STAB2: variants seen among roughly 807,000 people sequenced by gnomAD.
STAB2 encodes the protein stabilin-2.
A neutral mutation model predicts 338.1 loss-of-function variants in STAB2; 288 were observed. The ratio of observed to expected loss-of-function variants is 0.85; its 90% CI spans 0.77 to 0.94. STAB2 has a LOEUF of 0.94. Ranked by LOEUF, STAB2 falls within the 40% of genes least tolerant of loss-of-function variation. The pLI is 0.00. For synonymous variants in STAB2, 1,202 were observed against 1,193.3 expected (o/e 1.01, Z -0.15); for missense variants, 3,141 against 3,210.1 (o/e 0.98, Z 0.52).
rs781689533 is a variant in STAB2 at position 103,685,039 on chromosome 12, G to T, written c.2952G>T (p.Glu984Asp). The T allele has an allele frequency of 1.2e-6, 2 of 1,614,014 alleles. No individual in the cohort carries two copies. Among genetic ancestry groups the T allele is most frequent in the Admixed American group, 1.7e-5 (1 of 60,014 alleles). Residue 984 changes from glutamate (E) to aspartate (D), a missense_variant, in exon 27 of 69, where the codon GAG becomes GAT. By Grantham distance (45) the Glu-to-Asp change is conservative (BLOSUM62 2). Transcript: ENST00000388887. Reference protein sequence around the residue: ...SSGVWSCVCQEGYEGDGFLCY... With the variant: ...SSGVWSCVCQDGYEGDGFLCY... ...GTGTCTGGAGCTGTGTTTGTCAAGA[G>T]GGCTATGAAGGAGATGGCTTTCTGT...
At chr12:103,652,751 A>C in intron 12 of STAB2, 46 bp downstream of exon 12, 2 of 1,504,448 alleles carry the variant, frequency 1.3e-6, no homozygotes. Context: ...ATTATCCACC[A>C]AGCCAATGCC....
intron 6 of STAB2, among the ~76,000 whole-genome samples, chr12:103,634,332 G>T (rs777388606): frequency 1.3e-5 from 2 of 152,098 alleles, no homozygotes; most frequent in Non-Finnish European, 1.5e-5. Context: ...ACATGAGGTC[G>T]CACTAATTCC....
intron 3 of STAB2, among the ~76,000 whole-genome samples, chr12:103,615,602 A>T (rs929822128): frequency 6.6e-6 from 1 of 152,184 alleles, no homozygotes; most frequent in Non-Finnish European, 1.5e-5. Context: ...GGTGCTTGTT[A>T]ATGGCTCGCA....
At chr12:103,725,636 ATGTGCATGTGTGTATGCACGTGTG>A (rs1316981487) in intron 45 of STAB2, among the ~76,000 whole-genome samples, 2 of 151,734 alleles carry the variant, frequency 1.3e-5, no homozygotes, top group South Asian at 4.2e-4. Flanking sequence ...GCAGGTGCAT[ATGTGCATGTGTGTATGCACGTGTG>A]TGTGCATGTG....
intron 44 of STAB2, among the ~76,000 whole-genome samples, chr12:103,720,312 A>G (rs1380930291): frequency 6.6e-6 from 1 of 152,226 alleles, no homozygotes; most frequent in African/African-American, 2.4e-5. Flanking sequence ...CTATCTCAGC[A>G]GCATATTCCC....
chr12:103,757,018 T>A lies in STAB2; in HGVS notation c.6988-1152T>A, dbSNP rs1220472839. 8.4e-3 allele frequency among the ~76,000 whole-genome samples: 1,074 copies of A among 128,054 alleles called. 21 individuals are homozygous for A. Among genetic ancestry groups the A allele is most frequent in the Admixed American group, 0.025 (328 of 12,952 alleles). 84.0% of individuals were successfully genotyped at this position (128,054 alleles called of 152,430 possible). On this transcript the variant is annotated intron_variant, in intron 63 of 68. Transcript: ENST00000388887. ...GAAAATATATATATATATATATATA[T>A]ATATATATATATAAAATATATATAT...
intron 26 of STAB2, among the ~76,000 whole-genome samples, chr12:103,683,973 G>A (rs1295564596): frequency 6.6e-6 from 1 of 152,132 alleles, no homozygotes; most frequent in East Asian, 1.9e-4. Flanking sequence ...GTAGCTCTGG[G>A]AATCTAGAGG....
chr12:103,707,232 T>A (rs1264660216), intron 38 of STAB2, among the ~76,000 whole-genome samples: 2 of 152,252 alleles, frequency 1.3e-5, no homozygotes, highest in Non-Finnish European at 2.9e-5. Context: ...CTCATTGACA[T>A]TCCCAGCCCA....
chr12:103,624,190 T>C (rs1444519109), intron 5 of STAB2, among the ~76,000 whole-genome samples: 1 of 152,232 alleles, frequency 6.6e-6, no homozygotes, highest in Non-Finnish European at 1.5e-5. Flanking sequence ...CTTGTTCTAA[T>C]CCATAAGGTC....
At position 103,706,427 on chromosome 12, in the gene STAB2, G is replaced by T. The variant is rs1879351897; in HGVS notation, c.3997-365G>T. 1.3e-5 allele frequency among the ~76,000 whole-genome samples: 2 copies of T among 152,278 alleles called. 1 individual carries two copies. The highest frequency in any genetic ancestry group is 3.9e-4 in the East Asian group (2 of 5,180). On this transcript the variant is annotated intron_variant, in intron 37 of 68. Coordinates refer to ENST00000388887, the MANE Select transcript of STAB2 (RefSeq NM_017564.10). Reference sequence around the variant, plus strand: ...GACGAAATAACATCGATGTGAAGGGGCCCAGATCTGGGTTGGAGACGGCCC... The same window carrying T: ...GACGAAATAACATCGATGTGAAGGGTCCCAGATCTGGGTTGGAGACGGCCC...
intron 13 of STAB2, 34 bp downstream of exon 13, chr12:103,654,732 G>T: frequency 6.2e-7 from 1 of 1,604,184 alleles, no homozygotes; most frequent in Non-Finnish European, 8.5e-7. Context: ...ATCAGGCCAG[G>T]TCCATCTTCC....
chr12:103,717,905 T>A, intron 44 of STAB2, 64 bp downstream of exon 44: 2 of 1,551,576 alleles, frequency 1.3e-6, no homozygotes, highest in Non-Finnish European at 1.8e-6. Flanking sequence ...CCCACCCCAC[T>A]TCTCGGGGAT....
At chr12:103,595,711 G>A (rs1174170604) in intron 3 of STAB2, among the ~76,000 whole-genome samples, 1 of 152,078 alleles carries the variant, frequency 6.6e-6, no homozygotes, top group Admixed American at 6.5e-5. Context: ...TCCCCATTTT[G>A]CCTATGAGAA....
chr12:103,730,657 T>G (rs1881562965), intron 49 of STAB2, among the ~76,000 whole-genome samples: 1 of 152,184 alleles, frequency 6.6e-6, no homozygotes, highest in African/African-American at 2.4e-5. Context: ...AAAAAAAGTT[T>G]CTTGAGATAG....
rs1389409693 is a variant in STAB2 at position 103,660,861 on chromosome 12, G to T, written c.1869+98G>T. 9 of 1,293,544 alleles carry T rather than the reference G, an allele frequency of 7.0e-6. No individual in the cohort carries two copies. In the Admixed American group the frequency reaches 8.7e-5, roughly 13 times the overall value. The allele number at this position is 1,293,544 out of a possible 1,614,324, so 80.1% of individuals were successfully genotyped here. A position where few individuals can be genotyped will look rare whatever the true frequency, so the allele number is the denominator to read the frequency against. ...ATCCTGCCTCTATGCTAACTCATGG[G>T]CTTAAAATCTTTATGATTATTTCAT... is the stretch of plus-strand genomic sequence containing the variant. On this transcript the variant is annotated intron_variant, in intron 17 of 68. Coordinates refer to ENST00000388887, the MANE Select transcript of STAB2 (RefSeq NM_017564.10).
At chr12:103,745,466 G>A (rs1882955792) in intron 57 of STAB2, among the ~76,000 whole-genome samples, 189 bp downstream of exon 57, 1 of 152,220 alleles carries the variant, frequency 6.6e-6, no homozygotes, top group African/African-American at 2.4e-5. Context: ...AAAACTAGAT[G>A]AAAAGATTTA....
chr12:103,723,505 A>T (rs1316333806), intron 44 of STAB2, among the ~76,000 whole-genome samples: 1 of 152,262 alleles, frequency 6.6e-6, no homozygotes, highest in African/African-American at 2.4e-5. Flanking sequence ...ATAATTCAAA[A>T]TGAGATTTGG....
chr12:103,684,697 G>A (rs548046820), intron 26 of STAB2, among the ~76,000 whole-genome samples: 87 of 152,332 alleles, frequency 5.7e-4, no homozygotes, highest in South Asian at 4.1e-3. Context: ...ATGGGCAAAC[G>A]TATACTCAAA....
In STAB2 at chr12:103,603,484, T is replaced by C. The variant is rs1401259011; in HGVS notation, c.331+8974T>C. ...TCTTGAAAAGATGATCCTCTCCTCA[T>C]AAAATTGCCTTTGGACCATCGTAGA... On this transcript the variant is annotated intron_variant, in intron 3 of 68. Transcript: ENST00000388887. Among the ~76,000 whole-genome samples the C allele has an allele frequency of 2.0e-5, 3 of 152,346 alleles. No individual in the cohort carries two copies. The East Asian group carries it at 5.8e-4, about 29-fold the overall frequency.
Sources: gnomAD v4.1 joint callset for allele counts (sites outside exome capture counted in the v4.1 genomes callset) on GRCh38, gnomAD v4.1.1 for gene constraint, MANE v1.5 for transcripts, NCBI Gene and HGNC (gene_info 2026-07-23, HGNC 2026-07-21) for gene names.